The following CCDC191 variants were observed in gnomAD, a reference collection of about 807,000 sequenced individuals.
CCDC191 encodes the protein coiled-coil domain-containing protein 191.
In CCDC191, 99 loss-of-function variants were observed where a neutral mutation model predicts 114.0. The observed-to-expected ratio is 0.87, with a 90% CI of 0.74 to 1.03. The LOEUF (loss-of-function observed/expected upper bound fraction) is 1.03, where lower values mean the gene tolerates loss of function less well. Among genes scored for constraint, CCDC191 ranks in the 50% least tolerant of loss-of-function variants. The pLI, the probability that CCDC191 is intolerant of heterozygous loss-of-function variation, is 0.00. For missense variants in CCDC191, 973 were observed against 1,087.0 expected (o/e 0.90, Z 1.47); for synonymous variants, 351 against 376.0 (o/e 0.93, Z 0.77).
At chr3:114,049,323 A>G (rs991247373) in intron 2 of CCDC191, among the ~76,000 whole-genome samples, 3 of 152,244 alleles carry the variant, frequency 2.0e-5, no homozygotes, top group African/African-American at 7.2e-5. Flanking sequence ...TGGTTGGCAC[A>G]TGGTCTTTCC....
upstream of CCDC191, chr3:114,056,533 G>T (rs772783475): frequency 5.0e-6 from 8 of 1,610,690 alleles, no homozygotes; most frequent in South Asian, 1.1e-5. Flanking sequence ...GGCTGCCTCC[G>T]GGTCACGCTG....
intron 4 of CCDC191, among the ~76,000 whole-genome samples, chr3:114,038,808 CACTT>C (rs2076521965): frequency 6.6e-6 from 1 of 152,178 alleles, no homozygotes; most frequent in African/African-American, 2.4e-5. Flanking sequence ...TGCATGTTCT[CACTT>C]AAAAGTGGGA....
In CCDC191 at chr3:114,006,619, A is replaced by AAT. The variant is rs935793851; in HGVS notation, c.1414-659_1414-658dup. Among the ~76,000 whole-genome samples, 542 of 92,428 alleles carry AAT rather than the reference A, an allele frequency of 5.9e-3. 12 individuals are homozygous for AAT. Among genetic ancestry groups the AAT allele is most frequent in the African/African-American group, 0.021 (494 of 23,826 alleles). 60.6% of individuals were successfully genotyped at this position (92,428 alleles called of 152,430 possible). On this transcript the variant is annotated intron_variant, in intron 9 of 16. Transcript: ENST00000295878. ...ATATATATATATATATATATATATA[A>AAT]ATATATATATTTTATATATAAAAAA...
chr3:113,978,180 C>G lies in CCDC191; in HGVS notation c.2606+6G>C. The G allele has an allele frequency of 6.2e-7, 1 of 1,613,882 alleles. No individual in the cohort carries two copies. Among genetic ancestry groups the G allele is most frequent in the Non-Finnish European group, 8.5e-7 (1 of 1,179,848 alleles). On this transcript the variant is annotated splice_donor_region_variant and intron_variant, in intron 16 of 16. Coordinates refer to ENST00000295878, the MANE Select transcript of CCDC191 (RefSeq NM_020817.2). Reference sequence around the variant, plus strand: ...GAGTGAATTTTCCTCACTATCAAAACCTCACCTGTCACTGTGCTCCGCTGC... The same window carrying G: ...GAGTGAATTTTCCTCACTATCAAAAGCTCACCTGTCACTGTGCTCCGCTGC...
intron 13 of CCDC191, among the ~76,000 whole-genome samples, chr3:113,989,773 C>T (rs1437129303): frequency 6.6e-6 from 1 of 152,028 alleles, no homozygotes; most frequent in Non-Finnish European, 1.5e-5. Flanking sequence ...ATCTCTTGAG[C>T]CCAGGAAATT....
Position 114,035,060 on chromosome 3 carries a change from T to C in CCDC191, c.683A>G (p.Gln228Arg). ...TLKKSAFLEAQCLVQEEKKRK... is the reference protein window; with the variant it reads ...TLKKSAFLEARCLVQEEKKRK... ...TTTCTTCTCTTCTTGCACCAGACACTGAGCCTCCAAGAAGGCCGATTTTTT... is the reference window on the plus strand; with the variant it reads ...TTTCTTCTCTTCTTGCACCAGACACCGAGCCTCCAAGAAGGCCGATTTTTT... The change falls in exon 6 of 17, where the codon CAG (glutamine) becomes CGG (arginine). Residue 228 changes from glutamine to arginine, a missense_variant. By Grantham distance (43) the Gln-to-Arg change is conservative. Coordinates refer to ENST00000295878, the MANE Select transcript of CCDC191 (RefSeq NM_020817.2). 6.2e-7 allele frequency: 1 copy of C among 1,614,138 alleles called. No individual in the cohort carries two copies. The highest frequency in any genetic ancestry group is 1.1e-5 in the South Asian group (1 of 91,086).
chr3:113,991,829 C>T (rs531092342), intron 13 of CCDC191, among the ~76,000 whole-genome samples: 1 of 152,092 alleles, frequency 6.6e-6, no homozygotes. Context: ...CAGGATACAA[C>T]ACCAACATAC....
intron 7 of CCDC191, among the ~76,000 whole-genome samples, chr3:114,027,624 A>AAAAAAAAAAG (rs1559920022): frequency 3.8e-5 from 5 of 130,958 alleles, no homozygotes; most frequent in Non-Finnish European, 5.0e-5. Context: ...AAAAAAAAAG[A>AAAAAAAAAAG]AAAAAAAATC....
intron 8 of CCDC191, among the ~76,000 whole-genome samples, chr3:114,013,732 C>T (rs2076112424): frequency 6.6e-6 from 1 of 152,064 alleles, no homozygotes; most frequent in Non-Finnish European, 1.5e-5. Context: ...ATATAAAATA[C>T]AAAAGGTTTG....
intron 8 of CCDC191, 26 bp downstream of exon 8, chr3:114,018,652 G>A (rs778030652): frequency 1.9e-6 from 3 of 1,572,256 alleles, no homozygotes; most frequent in South Asian, 1.1e-5. Flanking sequence ...AAACATACTA[G>A]ATTTTCACAA....
intron 8 of CCDC191, among the ~76,000 whole-genome samples, chr3:114,014,039 GACT>G (rs1302636163): frequency 6.6e-6 from 1 of 152,140 alleles, no homozygotes; most frequent in Non-Finnish European, 1.5e-5. Flanking sequence ...CTTAGGACAA[GACT>G]ACTAGATATC....
intron 13 of CCDC191, among the ~76,000 whole-genome samples, chr3:113,997,772 C>T (rs1448039381): frequency 6.6e-6 from 1 of 152,048 alleles, no homozygotes. Flanking sequence ...CTGAATGTAC[C>T]AAGGTGGCCC....
chr3:113,994,203 C>A (rs1455023368), intron 13 of CCDC191, among the ~76,000 whole-genome samples: 1 of 152,060 alleles, frequency 6.6e-6, no homozygotes, highest in African/African-American at 2.4e-5. Context: ...TAAAACCCAA[C>A]AATAAGTAAA....
At chr3:114,050,557 A>C (rs924638696) in intron 2 of CCDC191, among the ~76,000 whole-genome samples, 1 of 152,190 alleles carries the variant, frequency 6.6e-6, no homozygotes, top group Non-Finnish European at 1.5e-5. Flanking sequence ...TTGAGCTACA[A>C]GGGAAGGATC....
chr3:114,004,572 G>A lies in CCDC191; in HGVS notation c.1978+65C>T, dbSNP rs191150671. The A allele has an allele frequency of 5.9e-5, 93 of 1,572,428 alleles. No homozygotes were observed. In the East Asian group the frequency reaches 2.1e-3, roughly 36 times the overall value. On this transcript the variant is annotated intron_variant, in intron 11 of 16. Transcript: ENST00000295878. ...CAAGAGTTGCCAGAATTCAGTCCCA[G>A]TGTACACATTCTACTCTAGGAGAGA...
chr3:114,004,510 G>C (rs1357159999), intron 11 of CCDC191, 127 bp downstream of exon 11: 14 of 1,468,862 alleles, frequency 9.5e-6, no homozygotes, highest in Middle Eastern at 1.9e-4. Context: ...ACCATTCTGA[G>C]ATTTTTGATG....
intron 7 of CCDC191, among the ~76,000 whole-genome samples, chr3:114,028,100 T>C (rs1023445717): frequency 6.6e-6 from 1 of 152,032 alleles, no homozygotes; most frequent in Non-Finnish European, 1.5e-5. Context: ...ATATTACAAA[T>C]GAATAACATA....
At position 114,036,768 on chromosome 3, in the gene CCDC191, T is replaced by A; in HGVS notation, c.434A>T (p.Glu145Val). ...AACGGTGGTACTTTCCTCTTCTTCCTCCAAATAGCCACATAAATCTGGGGG... is the reference window on the plus strand; with the variant it reads ...AACGGTGGTACTTTCCTCTTCTTCCACCAAATAGCCACATAAATCTGGGGG... ...DKFDDLCGYL[E>V]EEEESTTVQK... Residue 145 changes from glutamate (E) to valine (V), a missense_variant, in exon 5 of 17, where the codon GAG becomes GTG. Physicochemically the swap from Glu to Val is moderately radical, Grantham distance 121. Transcript: ENST00000295878. The A allele has an allele frequency of 6.4e-7, 1 of 1,555,834 alleles. No homozygotes were observed. The highest frequency in any genetic ancestry group is 1.3e-5 in the South Asian group (1 of 79,504).
At chr3:114,040,325 T>C (rs761723703) in intron 4 of CCDC191, among the ~76,000 whole-genome samples, 24 of 152,304 alleles carry the variant, frequency 1.6e-4, no homozygotes, top group Non-Finnish European at 2.2e-4. Context: ...GCAGGACTTA[T>C]CCTCTTCATT....
Sources: gnomAD v4.1 joint callset for allele counts (sites outside exome capture counted in the v4.1 genomes callset) on GRCh38, gnomAD v4.1.1 for gene constraint, MANE v1.5 for transcripts, NCBI Gene and HGNC (gene_info 2026-07-23, HGNC 2026-07-21) for gene names.